Variants in IGLL5 observed in about 807,000 individuals in gnomAD.
IGLL5 encodes immunoglobulin lambda-like polypeptide 5.
A neutral mutation model predicts 20.9 loss-of-function variants in IGLL5; 30 were observed. The observed-to-expected ratio is 1.44, with a 90% confidence interval of 1.07 to 1.95. The LOEUF (loss-of-function observed/expected upper bound fraction) is 1.95, where lower values mean the gene tolerates loss of function less well. Ranked by LOEUF, IGLL5 falls within the 30% of genes most tolerant of loss-of-function variation. The probability of loss-of-function intolerance (pLI) is 0.00; values close to 1 mark genes in which losing one functional copy is unlikely to be tolerated. For synonymous variants in IGLL5, 203 were observed against 117.3 expected (o/e 1.73, Z -4.72); for missense variants, 475 against 270.7 (o/e 1.75, Z -5.30).
At chr22:22,890,749 T>G (rs2067818129) in intron 1 of IGLL5, among the ~76,000 whole-genome samples, 1 of 151,094 alleles carries the variant, frequency 6.6e-6, no homozygotes, top group African/African-American at 2.4e-5. Flanking sequence ...GTGCCTTCGC[T>G]CCTACATTCT....
At chr22:22,893,850 T>G (rs760477015) in intron 2 of IGLL5, 32 bp downstream of exon 2, 3 of 1,396,706 alleles carry the variant, frequency 2.1e-6, no homozygotes, top group East Asian at 2.3e-5. Context: ...CCAGCCTGTC[T>G]CACCCTCTGC....
rs138611643 is a variant in IGLL5, at chr22:22,888,809, C to G, written c.206+550C>G. On this transcript the variant is annotated intron_variant, in intron 1 of 2. Coordinates refer to ENST00000526893, the MANE Select transcript of IGLL5 (RefSeq NM_001178126.2). ...GGAGGGTGGGATGAACCGAGGGGAG[C>G]TGTCCAGTCATTGGAACAGGCCCAC... is the stretch of plus-strand genomic sequence containing the variant. Among the ~76,000 whole-genome samples, 16 of 151,336 alleles carry G rather than the reference C, an allele frequency of 1.1e-4. 1 individual carries two copies. The highest frequency in any genetic ancestry group is 3.7e-3 in the Middle Eastern group (1 of 272).
intron 1 of IGLL5, among the ~76,000 whole-genome samples, chr22:22,891,229 A>ATT (rs374829288): frequency 0.021 from 3,132 of 149,226 alleles, 106 homozygotes; most frequent in African/African-American, 0.066. Flanking sequence ...TTGGTGTTTT[A>ATT]TTTTTTTTTC....
At chr22:22,891,739 G>A (rs537415917) in intron 1 of IGLL5, among the ~76,000 whole-genome samples, 1 of 151,034 alleles carries the variant, frequency 6.6e-6, no homozygotes, top group African/African-American at 2.4e-5. Context: ...ATTCATAAAG[G>A]GTTTGTAAAT....
intron 2 of IGLL5, among the ~76,000 whole-genome samples, chr22:22,895,094 C>T (rs2066722924): frequency 6.6e-6 from 1 of 151,456 alleles, no homozygotes; most frequent in Non-Finnish European, 1.5e-5. Context: ...GAAGAAGGAA[C>T]ACAGCCTGCC....
At position 22,893,738 on chromosome 22, in the gene IGLL5, G is replaced by C. The variant is rs1346627958; in HGVS notation, c.245G>C (p.Arg82Thr). The C allele has an allele frequency of 6.2e-7, 1 of 1,607,446 alleles. No homozygotes were observed. Among genetic ancestry groups the C allele is most frequent in the Admixed American group, 1.7e-5 (1 of 58,994 alleles). The change falls in exon 2 of 3, where the codon AGG becomes ACG. Residue 82 changes from arginine to threonine, a missense_variant. By Grantham distance (71) the Arg-to-Thr change is moderately conservative. Transcript: ENST00000526893. ...LQPSPQRADPRCWPRGFWSEP... is the reference protein window; with the variant it reads ...LQPSPQRADPTCWPRGFWSEP... ...CCCAGCCCCCAGAGAGCAGACCCCA[G>C]GTGCTGGCCCCGGGGGTTTTGGTCT...
At chr22:22,888,624 G>T (rs57573504) in intron 1 of IGLL5, among the ~76,000 whole-genome samples, 1 of 151,198 alleles carries the variant, frequency 6.6e-6, no homozygotes, top group African/African-American at 2.4e-5. Flanking sequence ...GCCCAGGCCT[G>T]TTCCTCCCCC....
At chr22:22,894,477 G>T (rs547795492) in intron 2 of IGLL5, among the ~76,000 whole-genome samples, 1 of 151,550 alleles carries the variant, frequency 6.6e-6, no homozygotes, top group East Asian at 2.0e-4. Context: ...AAAGGAGACA[G>T]TCTCTTAGGG....
intron 2 of IGLL5, among the ~76,000 whole-genome samples, chr22:22,894,382 C>A (rs192361607): frequency 2.6e-5 from 4 of 151,238 alleles, no homozygotes; most frequent in East Asian, 2.0e-4. Flanking sequence ...GTGGCCTGTG[C>A]TGGGTCATGA....
chr22:22,895,804 C>G lies in IGLL5; in HGVS notation c.*110C>G. Reference sequence around the variant, plus strand: ...GCCCTTCTCCCTGCACTCATGAAACCCCAATAAATATCCTCATTGACAACC... The same window carrying G: ...GCCCTTCTCCCTGCACTCATGAAACGCCAATAAATATCCTCATTGACAACC... On this transcript the variant is annotated 3_prime_UTR_variant, in exon 3 of 3. Transcript: ENST00000526893. 1 of 987,130 alleles carries G rather than the reference C, an allele frequency of 1.0e-6. No homozygotes were observed. The highest frequency in any genetic ancestry group is 1.6e-6 in the Non-Finnish European group (1 of 626,410). 61.1% of individuals were successfully genotyped at this position (987,130 alleles called of 1,614,324 possible). A position where few individuals can be genotyped will look rare whatever the true frequency, so the allele number is the denominator to read the frequency against.
chr22:22,891,517 G>A (rs1232475346), intron 1 of IGLL5, among the ~76,000 whole-genome samples: 1 of 150,874 alleles, frequency 6.6e-6, no homozygotes, highest in Non-Finnish European at 1.5e-5. Flanking sequence ...TCTATTATCT[G>A]TCATTCTTAG....
chr22:22,888,226 G>A lies in IGLL5; in HGVS notation c.173G>A (p.Ser58Asn), dbSNP rs566521884. ...GDPDPGASVGSSRSSLRSLWG... is the reference protein window; with the variant it reads ...GDPDPGASVGNSRSSLRSLWG... ...CCAGACCCTGGAGCCTCAGTTGGAA[G>A]CAGCCGATCCAGCCTGCGGAGCCTG... is the stretch of plus-strand genomic sequence containing the variant. The change falls in exon 1 of 3, where the codon AGC (serine) becomes AAC (asparagine). Residue 58 changes from serine to asparagine, a missense_variant. Physicochemically the swap from Ser to Asn is conservative, Grantham distance 46. Transcript: ENST00000526893. The A allele has an allele frequency of 5.2e-6, 8 of 1,548,198 alleles. No individual in the cohort carries two copies. The highest frequency in any genetic ancestry group is 2.7e-5 in the African/African-American group (2 of 72,864).
intron 1 of IGLL5, among the ~76,000 whole-genome samples, chr22:22,889,062 T>C (rs1411388208): frequency 2.0e-5 from 3 of 151,236 alleles, no homozygotes; most frequent in South Asian, 2.1e-4. Context: ...GACGAGTCCT[T>C]GGATGGATTT....
intron 1 of IGLL5, among the ~76,000 whole-genome samples, chr22:22,891,016 T>C (rs2067829456): frequency 6.6e-6 from 1 of 151,288 alleles, no homozygotes; most frequent in East Asian, 2.0e-4. Context: ...TTAGTGTATG[T>C]ATTGTAAATA....
chr22:22,887,953 G>GTACTGTAACAGCCCTGCTGGCGA lies in IGLL5; in HGVS notation c.-100_-99insACTGTAACAGCCCTGCTGGCGAT. On this transcript the variant is annotated 5_prime_UTR_variant, in exon 1 of 3. It adds an upstream start codon to the 5' untranslated region. Transcript: ENST00000526893. ...GAGAGGACAGAGCCAATGGACTGGG[G>GTACTGTAACAGCCCTGCTGGCGA]TGTACTGTAACAGCCCTGCTGGCGA... is the stretch of plus-strand genomic sequence containing the variant. The GTACTGTAACAGCCCTGCTGGCGA allele has an allele frequency of 1.1e-6, 1 of 910,044 alleles. No individual in the cohort carries two copies. The highest frequency in any genetic ancestry group is 1.8e-6 in the Non-Finnish European group (1 of 564,394). The allele number at this position is 910,044 out of a possible 1,614,324, so 56.4% of individuals were successfully genotyped here.
intron 1 of IGLL5, among the ~76,000 whole-genome samples, chr22:22,890,108 T>C (rs563184356): frequency 6.6e-6 from 1 of 150,890 alleles, no homozygotes; most frequent in Admixed American, 6.7e-5. Flanking sequence ...ATTACTCTTT[T>C]TGTAATGAGT....
chr22:22,887,976 C>T lies in IGLL5; in HGVS notation c.-78C>T, dbSNP rs921144554. 1.9e-4 allele frequency: 223 copies of T among 1,172,910 alleles called. No individual in the cohort carries two copies. In the Admixed American group the frequency reaches 3.5e-3, roughly 18 times the overall value. The allele number at this position is 1,172,910 out of a possible 1,614,324, so 72.7% of individuals were successfully genotyped here. Reference sequence around the variant, plus strand: ...GGGTGTACTGTAACAGCCCTGCTGGCGAGAGGGACCAGGGCACCGTCCTCC... The same window carrying T: ...GGGTGTACTGTAACAGCCCTGCTGGTGAGAGGGACCAGGGCACCGTCCTCC... On this transcript the variant is annotated 5_prime_UTR_variant, in exon 1 of 3. Transcript: ENST00000526893.
intron 1 of IGLL5, 94 bp downstream of exon 1, chr22:22,888,353 A>T (rs564300029): frequency 2.5e-6 from 3 of 1,191,830 alleles, no homozygotes; most frequent in Admixed American, 2.3e-5. Context: ...GTGAGGAGGA[A>T]GGTTAACCCC....
chr22:22,889,458 A>T (rs1601608346), intron 1 of IGLL5, among the ~76,000 whole-genome samples: 1 of 151,344 alleles, frequency 6.6e-6, no homozygotes, highest in Admixed American at 6.6e-5. Context: ...GGTTGGGGGA[A>T]TAATCAAAGC....
Sources: gnomAD v4.1 joint callset for allele counts (sites outside exome capture counted in the v4.1 genomes callset) on GRCh38, gnomAD v4.1.1 for gene constraint, MANE v1.5 for transcripts, NCBI Gene and HGNC (gene_info 2026-07-23, HGNC 2026-07-21) for gene names.